PKHD1L1: variants seen among roughly 807,000 people sequenced by gnomAD.
PKHD1L1 encodes PKHD1 like 1, also known as fibrocystin-L.
Under a neutral mutation model 462.9 loss-of-function variants are expected in PKHD1L1, and 434 were observed. The observed-to-expected ratio is 0.94, with a 90% CI of 0.87 to 1.02. The LOEUF (loss-of-function observed/expected upper bound fraction) is 1.02, where lower values mean the gene tolerates loss of function less well. Among genes scored for constraint, PKHD1L1 ranks in the 50% least tolerant of loss-of-function variants. The probability of loss-of-function intolerance (pLI) is 0.00; values close to 1 mark genes in which losing one functional copy is unlikely to be tolerated. For synonymous variants in PKHD1L1, 1,781 were observed against 1,750.0 expected, an observed-to-expected ratio of 1.02 and a Z score of -0.44; for missense variants, 5,202 against 5,096.1, an observed-to-expected ratio of 1.02 and a Z score of -0.63.
intron 2 of PKHD1L1, among the ~76,000 whole-genome samples, chr8:109,380,950 T>G (rs1381176734): frequency 6.6e-6 from 1 of 152,192 alleles, no homozygotes; most frequent in Non-Finnish European, 1.5e-5. Context: ...TCTGGTGCTA[T>G]GTAGGCTCAC....
At chr8:109,527,983 T>C (rs1475227846) in intron 77 of PKHD1L1, among the ~76,000 whole-genome samples, 1 of 152,042 alleles carries the variant, frequency 6.6e-6, no homozygotes. Flanking sequence ...TGGGGTAAGG[T>C]ACTGAGAATG....
rs1384693813 is a variant in PKHD1L1, at chr8:109,476,559, T to A, written c.8809T>A (p.Phe2937Ile). ...TAACTTCACTCAAAATCCTGACATGTTTAATATTATTGATATGAGGAATGG... is the reference window on the plus strand; with the variant it reads ...TAACTTCACTCAAAATCCTGACATGATTAATATTATTGATATGAGGAATGG... ...SHNFTQNPDM[F>I]NIIDMRNGSS... Residue 2937 changes from phenylalanine to isoleucine, a missense_variant, in exon 52 of 78, where the codon TTT (phenylalanine) becomes ATT (isoleucine). Around this residue, in one of 3 missense-constraint regions of PKHD1L1, gnomAD observed 4,497 missense variants for 4,336.8 expected, o/e 1.04. Coordinates refer to ENST00000378402, the MANE Select transcript of PKHD1L1 (RefSeq NM_177531.6). The A allele has an allele frequency of 4.5e-6, 7 of 1,545,606 alleles. No homozygotes were observed. The South Asian group carries it at 7.0e-5, about 16-fold the overall frequency.
chr8:109,476,201 ATG>A (rs1489369962), intron 51 of PKHD1L1, among the ~76,000 whole-genome samples: 4 of 151,478 alleles, frequency 2.6e-5, no homozygotes, highest in Admixed American at 2.6e-4. Flanking sequence ...CATCACATAT[ATG>A]TGTGTGTATG....
chr8:109,377,492 A>G (rs1239168596), intron 2 of PKHD1L1, among the ~76,000 whole-genome samples: 1 of 152,178 alleles, frequency 6.6e-6, no homozygotes, highest in Non-Finnish European at 1.5e-5. Flanking sequence ...AAAAATTTTC[A>G]TAGTTTCAAA....
chr8:109,487,923 A>AGGAAGGAAGGAC (rs1297559891), intron 59 of PKHD1L1, among the ~76,000 whole-genome samples: 9 of 150,574 alleles, frequency 6.0e-5, no homozygotes, highest in Non-Finnish European at 1.2e-4. Flanking sequence ...GAAGGAAGGA[A>AGGAAGGAAGGAC]GGAAGGAAGG....
intron 30 of PKHD1L1, among the ~76,000 whole-genome samples, chr8:109,437,526 A>T (rs77278567): frequency 3.8e-5 from 5 of 130,644 alleles, no homozygotes; most frequent in African/African-American, 5.9e-5. Flanking sequence ...CCAGGGACAC[A>T]GGAAGGGGAA....
rs576717560 is a variant in PKHD1L1 at position 109,400,448 on chromosome 8, G to A, written c.1281+104G>A. On this transcript the variant is annotated intron_variant, in intron 13 of 77. Coordinates refer to ENST00000378402, the MANE Select transcript of PKHD1L1 (RefSeq NM_177531.6). Reference sequence around the variant, plus strand: ...ACGAATGAACATTTTTAAAATGTATGAGAAATGATGTCATGTGGTTTGGCT... The same window carrying A: ...ACGAATGAACATTTTTAAAATGTATAAGAAATGATGTCATGTGGTTTGGCT... 8 of 1,276,908 alleles carry A rather than the reference G, an allele frequency of 6.3e-6. No individual in the cohort carries two copies. In the African/African-American group the frequency reaches 7.5e-5, roughly 12 times the overall value. 79.1% of individuals were successfully genotyped at this position (1,276,908 alleles called of 1,614,324 possible).
chr8:109,486,695 G>A lies in PKHD1L1; in HGVS notation c.9754G>A (p.Ala3252Thr), dbSNP rs1211245544. The change falls in exon 59 of 78, where the codon GCT becomes ACT. Residue 3252 changes from alanine (A) to threonine (T), a missense_variant. Transcript: ENST00000378402. ...AACTGGTGAGAGCTACACGTTAGCA[G>A]CTGATGTTGGGATACTGAGTAGGAA... is the stretch of plus-strand genomic sequence containing the variant. ...PGTGESYTLA[A>T]DVGILSRNIK... 1 of 1,612,294 alleles carries A rather than the reference G, an allele frequency of 6.2e-7. No homozygotes were observed. Among genetic ancestry groups the A allele is most frequent in the African/African-American group, 1.3e-5 (1 of 74,770 alleles).
At chr8:109,365,267 G>A (rs1384586556) in intron 2 of PKHD1L1, among the ~76,000 whole-genome samples, 1 of 152,144 alleles carries the variant, frequency 6.6e-6, no homozygotes, top group Non-Finnish European at 1.5e-5. Flanking sequence ...AGTGATACCA[G>A]TATTCAGATA....
chr8:109,363,676 A>T (rs773901748), intron 1 of PKHD1L1, among the ~76,000 whole-genome samples: 6 of 152,122 alleles, frequency 3.9e-5, no homozygotes, highest in Admixed American at 3.9e-4. Flanking sequence ...AATTATTTGC[A>T]ATACTCCAAA....
chr8:109,376,648 C>T (rs970104260), intron 2 of PKHD1L1, among the ~76,000 whole-genome samples: 1 of 152,162 alleles, frequency 6.6e-6, no homozygotes, highest in Non-Finnish European at 1.5e-5. Flanking sequence ...ACTCCACCCC[C>T]CAAATCTCAG....
At chr8:109,445,954 T>C (rs1238526219) in intron 38 of PKHD1L1, among the ~76,000 whole-genome samples, 15 of 152,316 alleles carry the variant, frequency 9.8e-5, no homozygotes. Context: ...ATTTATGTTA[T>C]TGATGTTGAT....
At chr8:109,474,625 C>A (rs895766049) in intron 50 of PKHD1L1, among the ~76,000 whole-genome samples, 1 of 152,042 alleles carries the variant, frequency 6.6e-6, no homozygotes, top group African/African-American at 2.4e-5. Flanking sequence ...ATTAGCTCAA[C>A]AGACATAGAA....
intron 27 of PKHD1L1, among the ~76,000 whole-genome samples, chr8:109,431,953 C>T (rs1586496876): frequency 6.6e-6 from 1 of 152,130 alleles, no homozygotes. Context: ...ATATCCCCTA[C>T]ATCCTTGCCA....
At chr8:109,484,258 A>G (rs777864919) in intron 57 of PKHD1L1, among the ~76,000 whole-genome samples, 3 of 151,836 alleles carry the variant, frequency 2.0e-5, no homozygotes, top group Non-Finnish European at 4.4e-5. Context: ...TGATATCCCT[A>G]TTATTTATCC....
intron 17 of PKHD1L1, among the ~76,000 whole-genome samples, chr8:109,406,929 A>T (rs1485829156): frequency 4.5e-5 from 3 of 66,218 alleles, no homozygotes; most frequent in Non-Finnish European, 6.7e-5. Flanking sequence ...CTGCAGTATT[A>T]AAAAAAAAAG....
At position 109,448,245 on chromosome 8, in the gene PKHD1L1, C is replaced by A; in HGVS notation, c.5879C>A (p.Ala1960Asp). Residue 1960 changes from alanine to aspartate, a missense_variant, in exon 39 of 78, where the codon GCC (alanine) becomes GAC (aspartate). By Grantham distance (126) the Ala-to-Asp change is moderately radical (BLOSUM62 -2). This residue lies in a region of PKHD1L1 where 4,497 missense variants were observed against 4,336.8 expected (regional missense o/e 1.04). Coordinates refer to ENST00000378402, the MANE Select transcript of PKHD1L1 (RefSeq NM_177531.6). ...INNIQCNVTM[A>D]NDSVVQCIVG... ...AACATTCAGTGTAATGTAACCATGG[C>A]CAATGATAGTGTGGTGCAGTGCATC... 1.2e-6 allele frequency: 2 copies of A among 1,613,084 alleles called. No individual in the cohort carries two copies. The highest frequency in any genetic ancestry group is 1.7e-6 in the Non-Finnish European group (2 of 1,179,694).
intron 67 of PKHD1L1, among the ~76,000 whole-genome samples, chr8:109,502,974 G>T (rs1320285158): frequency 2.6e-5 from 4 of 152,178 alleles, no homozygotes; most frequent in African/African-American, 9.6e-5. Context: ...TCTCTCAGGT[G>T]AGGGAACTCT....
At chr8:109,479,735 A>C (rs1630134) in intron 54 of PKHD1L1, 96 bp downstream of exon 54, 1 of 940,760 alleles carries the variant, frequency 1.1e-6, no homozygotes, top group Non-Finnish European at 1.6e-6. Context: ...ACACCTTTCC[A>C]AAAGAGCAAG....
Sources: allele counts gnomAD v4.1 joint callset (sites outside exome capture counted in the v4.1 genomes callset), GRCh38; gene constraint gnomAD v4.1.1; regional missense constraint gnomAD v4.1.1; transcripts MANE v1.5; gene names NCBI Gene and HGNC (gene_info 2026-07-23, HGNC 2026-07-21).